Variants in PALS2 observed in about 807,000 individuals in gnomAD.
PALS2 encodes protein associated with LIN7 2, MAGUK p55 family member.
PALS2 carries 27 observed loss-of-function variants against 61.6 expected under a neutral mutation model. The ratio of observed to expected loss-of-function variants is 0.44; its 90% confidence interval spans 0.32 to 0.60. The LOEUF is 0.60. PALS2 is among the 20% of genes least tolerant of loss of function. The pLI is 0.05. For synonymous variants in PALS2, 236 were observed against 218.6 expected, an observed-to-expected ratio of 1.08 and a Z score of -0.70; for missense variants, 554 against 639.4, an observed-to-expected ratio of 0.87 and a Z score of 1.44.
intron 1 of PALS2, among the ~76,000 whole-genome samples, chr7:24,614,176 T>C (rs1443983853): frequency 1.3e-5 from 2 of 151,860 alleles, no homozygotes; most frequent in South Asian, 2.1e-4. Flanking sequence ...CTGTCCTCCA[T>C]TGTGGCTGTA....
chr7:24,580,926 GTTT>G (rs1374639628), intron 1 of PALS2, among the ~76,000 whole-genome samples: 7 of 152,076 alleles, frequency 4.6e-5, no homozygotes. Context: ...TTAAAATTAT[GTTT>G]TTTAAGTCAC....
At chr7:24,686,893 T>C (rs1425849235) in intron 11 of PALS2, among the ~76,000 whole-genome samples, 2 of 152,196 alleles carry the variant, frequency 1.3e-5, no homozygotes, top group Non-Finnish European at 2.9e-5. Flanking sequence ...AAACAGTGCC[T>C]GGACAAAAAC....
intron 1 of PALS2, among the ~76,000 whole-genome samples, chr7:24,617,565 A>C (rs1006077544): frequency 1.3e-5 from 2 of 152,186 alleles, no homozygotes; most frequent in Non-Finnish European, 2.9e-5. Context: ...CGTGGGGTGC[A>C]TTCACTTTGT....
Position 24,665,592 on chromosome 7 carries a change from G to T in PALS2, c.788G>T (p.Ser263Ile). Residue 263 changes from serine (S) to isoleucine (I), a missense_variant, in exon 7 of 12, where the codon AGC (serine) becomes ATC (isoleucine). Transcript: ENST00000222644. ...NREDPNWWQA[S>I]HVKEGGSAGL... Reference sequence around the variant, plus strand: ...AATTCATTAATTTGATTCTAGGCTAGCCATGTAAAAGAGGGAGGAAGCGCT... The same window carrying T: ...AATTCATTAATTTGATTCTAGGCTATCCATGTAAAAGAGGGAGGAAGCGCT... The T allele has an allele frequency of 1.2e-6, 2 of 1,613,440 alleles. No homozygotes were observed. Among genetic ancestry groups the T allele is most frequent in the Non-Finnish European group, 1.7e-6 (2 of 1,179,522 alleles).
At chr7:24,614,767 C>T (rs1187507952) in intron 1 of PALS2, among the ~76,000 whole-genome samples, 1 of 151,920 alleles carries the variant, frequency 6.6e-6, no homozygotes, top group Non-Finnish European at 1.5e-5. Context: ...TTTCACCCAA[C>T]AGCTGCAGAA....
rs557497780 is a variant in PALS2, at chr7:24,598,960, G to A, written c.-2-24706G>A. 1.7e-3 allele frequency among the ~76,000 whole-genome samples: 251 copies of A among 151,938 alleles called. 1 individual carries two copies. Among genetic ancestry groups the A allele is most frequent in the African/African-American group, 5.8e-3 (241 of 41,392 alleles). On this transcript the variant is annotated intron_variant, in intron 1 of 11. Transcript: ENST00000222644. ...TGTATATACTTTTGTGAAATATTTCGCCCAGTACTTTAAAGGATGATACAT... is the reference window on the plus strand; with the variant it reads ...TGTATATACTTTTGTGAAATATTTCACCCAGTACTTTAAAGGATGATACAT...
At chr7:24,583,216 A>C (rs1260211264) in intron 1 of PALS2, among the ~76,000 whole-genome samples, 1 of 152,060 alleles carries the variant, frequency 6.6e-6, no homozygotes, top group Non-Finnish European at 1.5e-5. Context: ...ATACAAATCA[A>C]TTTAAATGTT....
At chr7:24,601,767 A>G (rs979835379) in intron 1 of PALS2, among the ~76,000 whole-genome samples, 3 of 152,092 alleles carry the variant, frequency 2.0e-5, no homozygotes, top group Non-Finnish European at 4.4e-5. Flanking sequence ...TCCTGGGGGA[A>G]ATGTTTTTAA....
At position 24,689,478 on chromosome 7, in the gene PALS2, A is replaced by G. The variant is rs758147883; in HGVS notation, c.*1864A>G. On this transcript the variant is annotated 3_prime_UTR_variant, in exon 12 of 12. Coordinates refer to ENST00000222644, the MANE Select transcript of PALS2 (RefSeq NM_001303037.2). The stretch of plus-strand genomic sequence containing the variant: ...AGGACTTTGAAGGAAAAGAAAATAT[A>G]TGACAATAGGCAGTATTGACACATT... 2 of 152,184 alleles carry G rather than the reference A, an allele frequency of 1.3e-5. No individual in the cohort carries two copies. Among genetic ancestry groups the G allele is most frequent in the African/African-American group, 4.8e-5 (2 of 41,456 alleles). 9.4% of individuals were successfully genotyped at this position (152,184 alleles called of 1,614,324 possible). A position where few individuals can be genotyped will look rare whatever the true frequency, so the allele number is the denominator to read the frequency against.
intron 1 of PALS2, among the ~76,000 whole-genome samples, chr7:24,585,204 T>G (rs373463625): frequency 4.6e-5 from 7 of 152,202 alleles, no homozygotes; most frequent in Non-Finnish European, 1.0e-4. Context: ...GTGAAGAAAG[T>G]CATTGGTAGC....
chr7:24,623,602 G>T (rs930136015), intron 1 of PALS2, 64 bp from the exon 2 acceptor site: 67 of 991,340 alleles, frequency 6.8e-5, no homozygotes, highest in East Asian at 1.4e-4. Flanking sequence ...ATAACGGCTT[G>T]AAATTTAAGG....
rs1236140050 is a variant in PALS2, at chr7:24,687,320, TA to T, written c.1447-116del. The T allele has an allele frequency of 1.3e-6, 1 of 750,460 alleles. No homozygotes were observed. Among genetic ancestry groups the T allele is most frequent in the African/African-American group, 1.8e-5 (1 of 55,242 alleles). The allele number at this position is 750,460 out of a possible 1,614,324, so 46.5% of individuals were successfully genotyped here. A position where few individuals can be genotyped will look rare whatever the true frequency, so the allele number is the denominator to read the frequency against. ...ACTATATGGATTAGATTTTGAAGAT[TA>T]ATACCAGAATTACCAGAAATATATC... On this transcript the variant is annotated intron_variant, in intron 11 of 11. Transcript: ENST00000222644. This position sits in a 1 kb window ranked among gnomAD's most constrained non-coding sequence, Gnocchi z 4.5.
intron 1 of PALS2, among the ~76,000 whole-genome samples, chr7:24,621,343 G>C (rs976460009): frequency 2.0e-5 from 3 of 152,014 alleles, no homozygotes; most frequent in Non-Finnish European, 4.4e-5. Flanking sequence ...ACAGGAAATA[G>C]GTCTGATAGA....
intron 1 of PALS2, among the ~76,000 whole-genome samples, chr7:24,615,044 C>G (rs1784244389): frequency 6.6e-6 from 1 of 151,760 alleles, no homozygotes; most frequent in South Asian, 2.1e-4. Flanking sequence ...TCCTGAATGA[C>G]CAATGAATGA....
intron 1 of PALS2, among the ~76,000 whole-genome samples, chr7:24,576,345 A>G (rs1239745819): frequency 6.6e-6 from 1 of 152,238 alleles, no homozygotes; most frequent in East Asian, 1.9e-4. Flanking sequence ...GTATCTGACC[A>G]CTGGGGGGAG....
At chr7:24,667,839 T>A (rs1787108763) in intron 8 of PALS2, among the ~76,000 whole-genome samples, 6 of 151,990 alleles carry the variant, frequency 3.9e-5, no homozygotes, top group African/African-American at 1.4e-4. Context: ...TAATTTTTTG[T>A]ATTTTTTTAG....
chr7:24,656,061 C>G (rs1786400693), intron 5 of PALS2, among the ~76,000 whole-genome samples: 1 of 152,210 alleles, frequency 6.6e-6, no homozygotes, highest in Non-Finnish European at 1.5e-5. Context: ...TTGATCATCT[C>G]AGCTAGTGTC....
At chr7:24,615,285 G>A (rs1784253887) in intron 1 of PALS2, among the ~76,000 whole-genome samples, 3 of 151,652 alleles carry the variant, frequency 2.0e-5, no homozygotes, top group South Asian at 4.2e-4. Flanking sequence ...AAATAATAAG[G>A]ATCAGAGCAG....
At chr7:24,646,630 C>G (rs569513991) in intron 3 of PALS2, among the ~76,000 whole-genome samples, 1 of 152,260 alleles carries the variant, frequency 6.6e-6, no homozygotes, top group East Asian at 1.9e-4. Flanking sequence ...TGTTGTGTTT[C>G]TGCCAGGTTT....
Sources: allele counts gnomAD v4.1 joint callset (sites outside exome capture counted in the v4.1 genomes callset), GRCh38; gene constraint gnomAD v4.1.1; non-coding constraint Gnocchi (gnomAD v3.1); transcripts MANE v1.5; gene names NCBI Gene and HGNC (gene_info 2026-07-23, HGNC 2026-07-21).